Variants in NKAIN2 observed in about 807,000 individuals in gnomAD.
The protein encoded by NKAIN2 is sodium/potassium transporting ATPase interacting 2, also known as sodium/potassium-transporting ATPase subunit beta-1-interacting protein 2.
Under a neutral mutation model 32.6 loss-of-function variants are expected in NKAIN2, and 14 were observed. That is an observed-to-expected ratio of 0.43 (90% confidence interval 0.28 to 0.67). NKAIN2 has a LOEUF of 0.67. NKAIN2 is among the 30% of genes least tolerant of loss of function. NKAIN2 has a pLI of 0.17. For missense variants in NKAIN2, 198 were observed against 258.3 expected, an observed-to-expected ratio of 0.77 and a Z score of 1.60; for synonymous variants, 80 against 87.2, an observed-to-expected ratio of 0.92 and a Z score of 0.46.
At chr6:124,502,320 C>A (rs377504937) in intron 3 of NKAIN2, among the ~76,000 whole-genome samples, 1 of 152,154 alleles carries the variant, frequency 6.6e-6, no homozygotes, top group Admixed American at 6.5e-5. Context: ...TGTGTATGTG[C>A]ATTTTCTCTT....
intron 1 of NKAIN2, among the ~76,000 whole-genome samples, chr6:124,183,236 C>T (rs1443173921): frequency 6.6e-6 from 1 of 151,928 alleles, no homozygotes; most frequent in Non-Finnish European, 1.5e-5. Context: ...TTGGAAGTTG[C>T]AGTTATAAGC....
chr6:123,899,820 A>AAC (rs141379340), intron 1 of NKAIN2, among the ~76,000 whole-genome samples: 3 of 151,822 alleles, frequency 2.0e-5, no homozygotes, highest in African/African-American at 7.3e-5. Context: ...ATACCTGTTG[A>AAC]ACACACACAC....
At chr6:124,265,569 A>T (rs906288029) in intron 1 of NKAIN2, among the ~76,000 whole-genome samples, 1 of 152,200 alleles carries the variant, frequency 6.6e-6, no homozygotes, top group South Asian at 2.1e-4. Flanking sequence ...AGGCAATTTT[A>T]TGTGCCTTTT....
At chr6:124,368,250 T>C (rs549892739) in intron 3 of NKAIN2, among the ~76,000 whole-genome samples, 1 of 152,246 alleles carries the variant, frequency 6.6e-6, no homozygotes, top group Non-Finnish European at 1.5e-5. Context: ...TCCACACAAA[T>C]GTTGGCCTTC....
At chr6:124,342,203 CA>C (rs1297326098) in intron 2 of NKAIN2, among the ~76,000 whole-genome samples, 1 of 151,586 alleles carries the variant, frequency 6.6e-6, no homozygotes, top group African/African-American at 2.4e-5. Flanking sequence ...AGATCGAGAC[CA>C]TCTTGGCTGA....
chr6:124,807,165 C>T (rs1582558176), intron 5 of NKAIN2, among the ~76,000 whole-genome samples: 1 of 152,056 alleles, frequency 6.6e-6, no homozygotes, highest in South Asian at 2.1e-4. Flanking sequence ...GAACTCTCCA[C>T]CCCAAATCAA....
intron 2 of NKAIN2, among the ~76,000 whole-genome samples, chr6:124,327,546 A>C (rs1161042639): frequency 6.6e-6 from 1 of 152,172 alleles, no homozygotes; most frequent in East Asian, 1.9e-4. Flanking sequence ...GGTGATAGCA[A>C]ACATTTTAGT....
chr6:124,197,837 G>GTTTTTTTTTTTTT (rs71541243), intron 1 of NKAIN2, among the ~76,000 whole-genome samples: 2 of 94,436 alleles, frequency 2.1e-5, no homozygotes, highest in African/African-American at 3.8e-5. Context: ...CCTGTGTCTG[G>GTTTTTTTTTTTTT]TTTTTTTTTT....
At chr6:124,516,449 T>C (rs1032419185) in intron 3 of NKAIN2, among the ~76,000 whole-genome samples, 1 of 152,190 alleles carries the variant, frequency 6.6e-6, no homozygotes, top group African/African-American at 2.4e-5. Context: ...CTGCTCTACT[T>C]TCATCTTTCA....
chr6:124,448,958 T>G (rs2114615423), intron 3 of NKAIN2, among the ~76,000 whole-genome samples: 1 of 152,198 alleles, frequency 6.6e-6, no homozygotes, highest in Non-Finnish European at 1.5e-5. Context: ...GAAACCACTT[T>G]TAAGGGACAA....
intron 1 of NKAIN2, among the ~76,000 whole-genome samples, chr6:123,858,735 G>A (rs1301815721): frequency 6.6e-6 from 1 of 152,162 alleles, no homozygotes; most frequent in Non-Finnish European, 1.5e-5. Context: ...TGGGAAATAA[G>A]TTCAGCACAT....
intron 1 of NKAIN2, among the ~76,000 whole-genome samples, chr6:123,816,439 G>T (rs1023894129): frequency 2.6e-4 from 39 of 152,184 alleles, no homozygotes; most frequent in African/African-American, 9.2e-4. Flanking sequence ...TGAGGGCAAA[G>T]TAGTAATAAA....
intron 1 of NKAIN2, among the ~76,000 whole-genome samples, chr6:124,245,192 A>G (rs1475778096): frequency 3.3e-5 from 5 of 152,006 alleles, no homozygotes; most frequent in African/African-American, 9.7e-5. Context: ...TATCTCTTAA[A>G]CCAGATAGTA....
intron 1 of NKAIN2, among the ~76,000 whole-genome samples, chr6:124,112,715 G>A (rs1244579201): frequency 1.3e-5 from 2 of 151,814 alleles, no homozygotes; most frequent in East Asian, 3.9e-4. Flanking sequence ...CTGCTTGCTG[G>A]TATTCCATAA....
At chr6:123,959,567 A>G (rs1179247533) in intron 1 of NKAIN2, among the ~76,000 whole-genome samples, 1 of 152,144 alleles carries the variant, frequency 6.6e-6, no homozygotes, top group Non-Finnish European at 1.5e-5. Context: ...GGGTATATTC[A>G]TACCCTTTTG....
At chr6:124,240,358 C>T (rs1047009812) in intron 1 of NKAIN2, among the ~76,000 whole-genome samples, 6 of 152,090 alleles carry the variant, frequency 3.9e-5, no homozygotes, top group African/African-American at 1.2e-4. Flanking sequence ...CTATTCCAAA[C>T]ATTAGAAAAA....
chr6:124,693,732 G>A (rs938654767), intron 4 of NKAIN2, among the ~76,000 whole-genome samples: 1 of 152,146 alleles, frequency 6.6e-6, no homozygotes, highest in Non-Finnish European at 1.5e-5. Context: ...TGTGTGGCTG[G>A]AGCACAGGGA....
intron 1 of NKAIN2, among the ~76,000 whole-genome samples, chr6:124,090,123 T>C (rs1784352704): frequency 1.3e-5 from 2 of 152,016 alleles, no homozygotes; most frequent in South Asian, 4.1e-4. Context: ...TTGTAAATAC[T>C]TGCAGAATGT....
chr6:124,047,121 C>G (rs1782176174), intron 1 of NKAIN2, among the ~76,000 whole-genome samples: 1 of 151,812 alleles, frequency 6.6e-6, no homozygotes, highest in Non-Finnish European at 1.5e-5. Flanking sequence ...TTTTGTTAAC[C>G]CTTTACAATC....
Sources: gnomAD v4.1 joint callset for allele counts (sites outside exome capture counted in the v4.1 genomes callset) on GRCh38, gnomAD v4.1.1 for gene constraint, MANE v1.5 for transcripts, NCBI Gene and HGNC (gene_info 2026-07-23, HGNC 2026-07-21) for gene names.